The following BMAL1 variants were observed in gnomAD, a reference collection of about 807,000 sequenced individuals.
BMAL1 encodes the protein basic helix-loop-helix ARNT like 1.
the BMAL1 span, among the ~76,000 whole-genome samples, chr11:13,364,997 C>T: frequency 6.6e-6 from 1 of 151,950 alleles, no homozygotes; most frequent in Non-Finnish European, 1.5e-5. Flanking sequence ...AAACAAAAAA[C>T]ACTGCTCCGA....
the BMAL1 span, chr11:13,380,419 T>A: frequency 6.6e-6 from 1 of 152,154 alleles, no homozygotes; most frequent in East Asian, 1.9e-4. Flanking sequence ...GCCATCACAC[T>A]CTCCCTAAAC....
the BMAL1 span, among the ~76,000 whole-genome samples, chr11:13,290,509 C>T: frequency 1.2e-4 from 19 of 152,156 alleles, no homozygotes; most frequent in African/African-American, 4.6e-4. Flanking sequence ...GCTGCAAAGC[C>T]TGACTGGAGA....
the BMAL1 span, chr11:13,366,657 C>G: frequency 6.2e-7 from 1 of 1,603,268 alleles, no homozygotes; most frequent in Admixed American, 1.7e-5. Flanking sequence ...AACATTTCAT[C>G]TCCCCAGAAT....
At chr11:13,376,006 T>C in the BMAL1 span, among the ~76,000 whole-genome samples, 4 of 152,160 alleles carry the variant, frequency 2.6e-5, no homozygotes, top group Non-Finnish European at 4.4e-5. Context: ...AACATTTCCT[T>C]CCAGATAAAG....
the BMAL1 span, among the ~76,000 whole-genome samples, chr11:13,357,871 C>T: frequency 6.6e-6 from 1 of 152,206 alleles, no homozygotes; most frequent in Admixed American, 6.5e-5. This position sits in a 1 kb window ranked among gnomAD's most constrained non-coding sequence, Gnocchi z 4.8. Flanking sequence ...TCAGAGGAGG[C>T]TCCTGGGGAC....
At chr11:13,318,312 T>C in the BMAL1 span, among the ~76,000 whole-genome samples, 2,346 of 152,312 alleles carry the variant, frequency 0.015, 57 homozygotes, top group African/African-American at 0.054. Flanking sequence ...ATGGCTATAA[T>C]AGTATTTTAG....
chr11:13,381,368 C>CAAGGAGGAAGTAGT, the BMAL1 span: 5 of 1,001,662 alleles, frequency 5.0e-6, no homozygotes, highest in Non-Finnish European at 7.7e-6. Context: ...TGGACTACTT[C>CAAGGAGGAAGTAGT]CTCCTTGAAG....
chr11:13,286,079 A>G, the BMAL1 span, among the ~76,000 whole-genome samples: 2 of 152,232 alleles, frequency 1.3e-5, no homozygotes, highest in Non-Finnish European at 2.9e-5. Flanking sequence ...TCTATAAGAA[A>G]CAATGAAGTA....
chr11:13,387,252 C>T, the BMAL1 span: 1 of 152,504 alleles, frequency 6.6e-6, no homozygotes, highest in Admixed American at 6.5e-5. Context: ...ATAAATGTTT[C>T]CCTTGTTCTA....
At chr11:13,372,260 T>C in the BMAL1 span, 3 of 1,614,150 alleles carry the variant, frequency 1.9e-6, no homozygotes, top group Non-Finnish European at 2.5e-6. Flanking sequence ...AACCAGACAA[T>C]GAGGGGTGTA....
At chr11:13,286,635 C>A in the BMAL1 span, among the ~76,000 whole-genome samples, 3 of 152,288 alleles carry the variant, frequency 2.0e-5, no homozygotes, top group East Asian at 5.8e-4. Flanking sequence ...TCAAGCAGTT[C>A]CCCATGTGCA....
the BMAL1 span, among the ~76,000 whole-genome samples, chr11:13,316,658 C>G: frequency 6.6e-6 from 1 of 152,222 alleles, no homozygotes; most frequent in Non-Finnish European, 1.5e-5. Context: ...GGCAACTCAC[C>G]AGGCCTCCAG....
chr11:13,298,486 ATATAT>A, the BMAL1 span, among the ~76,000 whole-genome samples: 135 of 152,130 alleles, frequency 8.9e-4, no homozygotes, highest in African/African-American at 2.8e-3. Flanking sequence ...TCACCATCTA[ATATAT>A]TATACGTTTT....
At chr11:13,357,449 G>T in the BMAL1 span, among the ~76,000 whole-genome samples, 3 of 152,220 alleles carry the variant, frequency 2.0e-5, no homozygotes, top group African/African-American at 7.2e-5. This position sits in a 1 kb window ranked among gnomAD's most constrained non-coding sequence, Gnocchi z 4.8. Flanking sequence ...CCTGGGCTGG[G>T]ACTTGCCTCT....
At chr11:13,291,770 A>C in the BMAL1 span, among the ~76,000 whole-genome samples, 43 of 139,690 alleles carry the variant, frequency 3.1e-4, 2 homozygotes, top group East Asian at 8.0e-3. Context: ...ATAAAAGGTC[A>C]CATGATTGGT....
the BMAL1 span, among the ~76,000 whole-genome samples, chr11:13,352,868 C>T: frequency 2.0e-5 from 3 of 152,208 alleles, no homozygotes; most frequent in Non-Finnish European, 4.4e-5. Context: ...TCCTACTCCA[C>T]GGAGCTCAGA....
chr11:13,288,427 T>TCTTTTTTTTTC, the BMAL1 span, among the ~76,000 whole-genome samples: 75 of 65,916 alleles, frequency 1.1e-3, no homozygotes, highest in Non-Finnish European at 1.5e-3. Context: ...TTTTTTTCTT[T>TCTTTTTTTTTC]TTTTTTTTTT....
chr11:13,278,549 C>T, the BMAL1 span, among the ~76,000 whole-genome samples: 1 of 152,228 alleles, frequency 6.6e-6, no homozygotes, highest in African/African-American at 2.4e-5. Flanking sequence ...TCCGCCCGCC[C>T]CTTCGGCCCT....
the BMAL1 span, among the ~76,000 whole-genome samples, chr11:13,370,000 G>A: frequency 6.6e-6 from 1 of 152,142 alleles, no homozygotes; most frequent in Non-Finnish European, 1.5e-5. Flanking sequence ...TTTAAATTGT[G>A]TTTCTTTTAA....
Sources: gnomAD v4.1 joint callset for allele counts (sites outside exome capture counted in the v4.1 genomes callset) on GRCh38, gnomAD v4.1.1 for gene constraint, Gnocchi (gnomAD v3.1) non-coding constraint, MANE v1.5 for transcripts, NCBI Gene and HGNC (gene_info 2026-07-23, HGNC 2026-07-21) for gene names.